The following RGS12 variants were observed in gnomAD, a reference collection of about 807,000 sequenced individuals.
RGS12 encodes the protein regulator of G-protein signaling 12.
RGS12 carries 66 observed loss-of-function variants against 120.1 expected under a neutral mutation model. That is an observed-to-expected ratio of 0.55 (90% CI 0.45 to 0.67). The LOEUF (loss-of-function observed/expected upper bound fraction) is 0.67, where lower values mean the gene tolerates loss of function less well. RGS12 is among the 30% of genes least tolerant of loss of function. The probability of loss-of-function intolerance (pLI) is 0.00; values close to 1 mark genes in which losing one functional copy is unlikely to be tolerated. For synonymous variants in RGS12, 827 were observed against 804.7 expected (o/e 1.03, Z -0.47); for missense variants, 1,859 against 1,957.7 (o/e 0.95, Z 0.95).
In RGS12 at chr4:3,317,831, A is replaced by G. The variant is rs149229205; in HGVS notation, c.1661A>G (p.Gln554Arg). 610 of 1,613,230 alleles carry G rather than the reference A, an allele frequency of 3.8e-4. 3 individuals are homozygous for G. The highest frequency in any genetic ancestry group is 1.6e-4 in the Middle Eastern group (1 of 6,084). ...REWQCGHTSD[Q>R]DSYTDSTDGW... The stretch of plus-strand genomic sequence containing the variant: ...TGGCAGTGCGGACACACCAGCGACC[A>G]GGACTCTTACACAGATTCCACCGAT... The change falls in exon 2 of 18, where the codon CAG (glutamine) becomes CGG (arginine). Residue 554 changes from glutamine to arginine, a missense_variant. Transcript: ENST00000336727.
chr4:3,330,272 G>A (rs1373715202), intron 2 of RGS12, among the ~76,000 whole-genome samples: 1 of 152,198 alleles, frequency 6.6e-6, no homozygotes, highest in Non-Finnish European at 1.5e-5. Flanking sequence ...GACACACCAA[G>A]TACATCCCGC....
At chr4:3,373,232 A>C (rs914753350) in intron 3 of RGS12, among the ~76,000 whole-genome samples, 2 of 152,102 alleles carry the variant, frequency 1.3e-5, no homozygotes, top group African/African-American at 4.8e-5. Flanking sequence ...TTTGACTGGA[A>C]CCTTCACTCT....
chr4:3,313,313 C>G (rs546508302), intron 1 of RGS12, among the ~76,000 whole-genome samples: 2 of 152,150 alleles, frequency 1.3e-5, no homozygotes, highest in Non-Finnish European at 1.5e-5. Context: ...TTCTGTTCCC[C>G]GAGGAAGCCA....
chr4:3,326,932 G>T (rs1040663115), intron 2 of RGS12, among the ~76,000 whole-genome samples: 1 of 152,156 alleles, frequency 6.6e-6, no homozygotes, highest in South Asian at 2.1e-4. Flanking sequence ...AAATACCTAC[G>T]TAATTTTTCA....
Position 3,422,492 on chromosome 4 carries a change from A to G in RGS12, c.2955A>G (p.Lys985=). ...CTGTCAAGGCGGGCTTCTCCATCAA[A>G]GACATCCTGTCCGGACTCTGTGAGC... ...VVAVKAGFSI[K]DILSGLCERH... Residue 985 remains lysine, a synonymous_variant, in exon 11 of 18, where the codon AAA becomes AAG. Coordinates refer to ENST00000336727, the MANE Select transcript of RGS12 (RefSeq NM_001394154.1). The G allele has an allele frequency of 6.2e-7, 1 of 1,613,002 alleles. No individual in the cohort carries two copies. The highest frequency in any genetic ancestry group is 1.1e-5 in the South Asian group (1 of 91,084).
Position 3,365,417 on chromosome 4 carries a change from G to A in RGS12, c.1999-20999G>A, listed in dbSNP as rs1716200852. 6.6e-6 allele frequency among the ~76,000 whole-genome samples: 1 copy of A among 152,054 alleles called. No homozygotes were observed. Among genetic ancestry groups the A allele is most frequent in the Admixed American group, 6.6e-5 (1 of 15,264 alleles). ...AGGTCTTGAGGGAGGGAGGAGGGAG[G>A]GAGGTGGCAGGAGCTTTTGCGTCTG... is the stretch of plus-strand genomic sequence containing the variant. On this transcript the variant is annotated intron_variant, in intron 3 of 17. Transcript: ENST00000336727. This position sits in a 1 kb window ranked among gnomAD's most constrained non-coding sequence, Gnocchi z 4.0.
At chr4:3,296,856 A>G (rs1377190779) in intron 1 of RGS12, among the ~76,000 whole-genome samples, 1 of 152,186 alleles carries the variant, frequency 6.6e-6, no homozygotes, top group Non-Finnish European at 1.5e-5. Context: ...AGCCCCAGTC[A>G]TGAGAGGTTG....
In RGS12 at chr4:3,317,565, C is replaced by G. The variant is rs370822368; in HGVS notation, c.1395C>G (p.Ala465=). The G allele has an allele frequency of 1.3e-5, 21 of 1,606,584 alleles. No individual in the cohort carries two copies. In the Admixed American group the frequency reaches 3.3e-4, roughly 26 times the overall value. Residue 465 remains alanine (A), a synonymous_variant, in exon 2 of 18, where the codon GCC becomes GCG. Coordinates refer to ENST00000336727, the MANE Select transcript of RGS12 (RefSeq NM_001394154.1). The part of the protein sequence containing the change: ...SAWDGVGGRG[A]QPWGAPWTGP... ...GGGACGGTGTGGGTGGGAGGGGTGC[C>G]CAGCCCTGGGGTGCTCCCTGGACTG...
intron 10 of RGS12, among the ~76,000 whole-genome samples, chr4:3,421,143 C>T (rs1205428305): frequency 2.0e-5 from 3 of 152,196 alleles, no homozygotes; most frequent in South Asian, 2.1e-4. Context: ...CCTCTGCCTG[C>T]GGGCCGCCTG....
chr4:3,337,533 C>T (rs976813126), intron 2 of RGS12, among the ~76,000 whole-genome samples: 4 of 152,196 alleles, frequency 2.6e-5, no homozygotes, highest in Non-Finnish European at 5.9e-5. Flanking sequence ...TATTATTCAG[C>T]CTTGAAGAGG....
intron 17 of RGS12, among the ~76,000 whole-genome samples, chr4:3,436,169 C>T (rs1008523120): frequency 3.9e-5 from 6 of 152,134 alleles, no homozygotes; most frequent in South Asian, 2.1e-4. Flanking sequence ...GGGGTGCTCT[C>T]GTTCCCATGG....
In RGS12 at chr4:3,417,464, G is replaced by A; in HGVS notation, c.2684G>A (p.Gly895Asp). ...GAGGACAGCGAGAAGAAGCGGAAAG[G>A]CGCGTTTTTCTCGTGGTCGCGGACC... The part of the protein sequence containing the change: ...GDEDSEKKRK[G>D]AFFSWSRTRS... The change falls in exon 9 of 18, where the codon GGC (glycine) becomes GAC (aspartate). Residue 895 changes from glycine (G) to aspartate (D), a missense_variant. Coordinates refer to ENST00000336727, the MANE Select transcript of RGS12 (RefSeq NM_001394154.1). The A allele has an allele frequency of 1.9e-6, 3 of 1,613,222 alleles. No homozygotes were observed. Among genetic ancestry groups the A allele is most frequent in the Non-Finnish European group, 2.5e-6 (3 of 1,179,642 alleles).
In RGS12 at chr4:3,404,378, G is replaced by C. The variant is rs192717300; in HGVS notation, c.2021-9694G>C. On this transcript the variant is annotated intron_variant, in intron 4 of 17. Transcript: ENST00000336727. ...GGTATTCACGAGGCCTGGCTGTTTC[G>C]AAAGGGAAACAAAATCACTTTGGTG... is the stretch of plus-strand genomic sequence containing the variant. Among the ~76,000 whole-genome samples, 36 of 152,348 alleles carry C rather than the reference G, an allele frequency of 2.4e-4. No individual in the cohort carries two copies. The East Asian group carries it at 6.7e-3, about 29-fold the overall frequency.
intron 4 of RGS12, among the ~76,000 whole-genome samples, chr4:3,408,494 C>T (rs758231976): frequency 2.0e-5 from 3 of 152,132 alleles, no homozygotes; most frequent in Non-Finnish European, 2.9e-5. Flanking sequence ...CAGATGGAAT[C>T]GTAAAAATTC....
chr4:3,320,987 G>A (rs1428216787), intron 2 of RGS12, among the ~76,000 whole-genome samples: 1 of 152,190 alleles, frequency 6.6e-6, no homozygotes, highest in East Asian at 1.9e-4. Context: ...CCTGGAGGGT[G>A]CCATGGTGTC....
At position 3,430,787 on chromosome 4, in the gene RGS12, A is replaced by T. The variant is rs758470787; in HGVS notation, c.3946A>T (p.Ile1316Phe). ...VSLAQEGTAQIWKRQSQEVEA... is the reference protein window; with the variant it reads ...VSLAQEGTAQFWKRQSQEVEA... Reference sequence around the variant, plus strand: ...CCTCGCGCAGGAGGGCACCGCCCAGATCTGGAAGAGGCAGTCTCAGGAAGT... The same window carrying T: ...CCTCGCGCAGGAGGGCACCGCCCAGTTCTGGAAGAGGCAGTCTCAGGAAGT... The change falls in exon 17 of 18, where the codon ATC (isoleucine) becomes TTC (phenylalanine). Residue 1316 changes from isoleucine to phenylalanine, a missense_variant. Ile to Phe is a conservative substitution (Grantham distance 21). This residue lies in a region of RGS12 where 517 missense variants were observed against 488.5 expected (regional missense o/e 1.06). Coordinates refer to ENST00000336727, the MANE Select transcript of RGS12 (RefSeq NM_001394154.1). The T allele has an allele frequency of 1.9e-6, 3 of 1,611,730 alleles. No homozygotes were observed. The highest frequency in any genetic ancestry group is 2.5e-6 in the Non-Finnish European group (3 of 1,179,448).
At position 3,430,541 on chromosome 4, in the gene RGS12, C is replaced by A; in HGVS notation, c.3700C>A (p.Pro1234Thr). The A allele has an allele frequency of 6.2e-7, 1 of 1,613,390 alleles. No homozygotes were observed. The change falls in exon 17 of 18, where the codon CCA (proline) becomes ACA (threonine). Residue 1234 changes from proline to threonine, a missense_variant. Transcript: ENST00000336727. ...PGSTELTLPT[P>T]AAVAKGFSKR... ...TTCCACAGAACTCACCCTCCCCACT[C>A]CAGCTGCTGTGGCCAAGGGCTTTAG...
the RGS12 span, among the ~76,000 whole-genome samples, chr4:3,287,010 GCCA>G: frequency 6.6e-6 from 1 of 152,196 alleles, no homozygotes; most frequent in African/African-American, 2.4e-5. Flanking sequence ...ATGGGTTGGG[GCCA>G]GCATCAGCTT....
Position 3,422,913 on chromosome 4 carries a change from G to A in RGS12, c.3042G>A (p.Val1014=), listed in dbSNP as rs747105015. The A allele has an allele frequency of 1.2e-6, 2 of 1,613,098 alleles. No homozygotes were observed. The highest frequency in any genetic ancestry group is 1.7e-6 in the Non-Finnish European group (2 of 1,179,902). ...LFLVGGDKPL[V]LHQDSSILES... ...GTCTCTCTGTTCCTCAGCCTCTGGT[G>A]CTGCACCAAGACAGTAGCATCTTGG... Residue 1014 remains valine (V), a synonymous_variant, in exon 12 of 18, where the codon GTG becomes GTA. Coordinates refer to ENST00000336727, the MANE Select transcript of RGS12 (RefSeq NM_001394154.1).
Sources: gnomAD v4.1 joint callset for allele counts (sites outside exome capture counted in the v4.1 genomes callset) on GRCh38, gnomAD v4.1.1 for gene constraint, gnomAD v4.1.1 regional missense constraint, Gnocchi (gnomAD v3.1) non-coding constraint, MANE v1.5 for transcripts, NCBI Gene and HGNC (gene_info 2026-07-23, HGNC 2026-07-21) for gene names.